Variants in LRRC2 observed in about 807,000 individuals in gnomAD.
LRRC2 encodes leucine-rich repeat-containing protein 2.
A neutral mutation model predicts 40.2 loss-of-function variants in LRRC2; 27 were observed. The ratio of observed to expected loss-of-function variants is 0.67; its 90% confidence interval spans 0.49 to 0.93. The LOEUF (loss-of-function observed/expected upper bound fraction) is 0.93, where lower values mean the gene tolerates loss of function less well. Ranked by LOEUF, LRRC2 falls within the 40% of genes least tolerant of loss-of-function variation. The pLI is 0.00. For missense variants in LRRC2, 402 were observed against 439.6 expected (o/e 0.91, Z 0.76); for synonymous variants, 147 against 158.9 (o/e 0.92, Z 0.56).
chr3:46,538,573 G>A (rs1220576220), intron 4 of LRRC2, among the ~76,000 whole-genome samples: 1 of 152,148 alleles, frequency 6.6e-6, no homozygotes, highest in Non-Finnish European at 1.5e-5. Context: ...GGCAGAGGTT[G>A]CAGTGAGCCG....
chr3:46,552,563 T>G (rs1704684275), intron 1 of LRRC2, among the ~76,000 whole-genome samples: 1 of 152,114 alleles, frequency 6.6e-6, no homozygotes, highest in Middle Eastern at 3.2e-3. Context: ...CCCTCTGGGA[T>G]TGCCTTTTCC....
intron 5 of LRRC2, 40 bp from the exon 6 acceptor site, chr3:46,530,090 G>T: frequency 6.6e-7 from 1 of 1,517,650 alleles, no homozygotes; most frequent in Non-Finnish European, 9.1e-7. Flanking sequence ...ACTTTTATAA[G>T]AGTGGGAATT....
intron 4 of LRRC2, among the ~76,000 whole-genome samples, chr3:46,534,173 G>A (rs760788615): frequency 3.9e-5 from 6 of 151,990 alleles, no homozygotes; most frequent in Non-Finnish European, 5.9e-5. Flanking sequence ...GAGAACATGC[G>A]GTGTTTGGTT....
intron 8 of LRRC2, 47 bp downstream of exon 8, chr3:46,521,475 G>A (rs1288678132): frequency 1.1e-5 from 16 of 1,393,076 alleles, no homozygotes; most frequent in Admixed American, 2.4e-5. Flanking sequence ...TACATAAGTG[G>A]ACGTCTGTAC....
At position 46,545,289 on chromosome 3, in the gene LRRC2, G is replaced by A. The variant is rs370735142; in HGVS notation, c.126-36C>T. ...CAGCAGGGGTCACAGTTACTCTCCT[G>A]GGGACTGGCCATCACCTGCCTAGAG... On this transcript the variant is annotated intron_variant, in intron 2 of 8. Transcript: ENST00000395905. 1,435 of 1,591,924 alleles carry A rather than the reference G, an allele frequency of 9.0e-4. 23 individuals carry two copies. The South Asian group carries it at 0.015, about 17-fold the overall frequency.
intron 3 of LRRC2, among the ~76,000 whole-genome samples, chr3:46,542,320 A>G (rs752441355): frequency 7.4e-6 from 1 of 135,066 alleles, no homozygotes; most frequent in Non-Finnish European, 1.6e-5. Flanking sequence ...CCACAAAGTG[A>G]GACTCCATCT....
At chr3:46,528,791 A>G (rs1239213624) in intron 6 of LRRC2, among the ~76,000 whole-genome samples, 1 of 152,204 alleles carries the variant, frequency 6.6e-6, no homozygotes, top group South Asian at 2.1e-4. Context: ...CCTCTGTGTC[A>G]TCATAGCTTG....
At chr3:46,553,337 T>G (rs1440087617) in intron 1 of LRRC2, among the ~76,000 whole-genome samples, 1 of 152,228 alleles carries the variant, frequency 6.6e-6, no homozygotes, top group Non-Finnish European at 1.5e-5. Flanking sequence ...ATGCCCTGAT[T>G]TGCACAAACA....
chr3:46,517,307 A>G lies in LRRC2; in HGVS notation c.*1707T>C, dbSNP rs1703881932. 1 of 150,116 alleles carries G rather than the reference A, an allele frequency of 6.7e-6. No individual in the cohort carries two copies. Among genetic ancestry groups the G allele is most frequent in the African/African-American group, 2.5e-5 (1 of 40,664 alleles). 9.3% of individuals were successfully genotyped at this position (150,116 alleles called of 1,614,324 possible). On this transcript the variant is annotated 3_prime_UTR_variant, in exon 9 of 9. Coordinates refer to ENST00000395905, the MANE Select transcript of LRRC2 (RefSeq NM_024512.5). ...TTGTTTTTTTTTTTTTAGTTATAACAATAATAATATTGTTATTGCTGTTTG... is the reference window on the plus strand; with the variant it reads ...TTGTTTTTTTTTTTTTAGTTATAACGATAATAATATTGTTATTGCTGTTTG...
chr3:46,532,329 G>A (rs1331061944), intron 5 of LRRC2, among the ~76,000 whole-genome samples: 1 of 152,190 alleles, frequency 6.6e-6, no homozygotes, highest in Admixed American at 6.5e-5. Flanking sequence ...AGAAGGGCAG[G>A]TGCGGTGGCT....
intron 1 of LRRC2, among the ~76,000 whole-genome samples, chr3:46,555,931 T>A (rs933420703): frequency 1.3e-5 from 2 of 152,234 alleles, no homozygotes; most frequent in African/African-American, 2.4e-5. Flanking sequence ...CTTACCTCCA[T>A]TCATAAATAC....
At chr3:46,525,451 A>G (rs1485916210) in intron 7 of LRRC2, among the ~76,000 whole-genome samples, 1 of 151,766 alleles carries the variant, frequency 6.6e-6, no homozygotes, top group Admixed American at 6.6e-5. Flanking sequence ...GTATCTCGCT[A>G]TGTTACCCAC....
At chr3:46,557,456 A>G (rs112456625) in intron 1 of LRRC2, 7,412 of 152,360 alleles carry the variant, frequency 0.049, 276 homozygotes, top group South Asian at 0.15. Flanking sequence ...TATTGCTCAC[A>G]CAAAGCCTGT....
Position 46,548,820 on chromosome 3 carries a change from C to T in LRRC2, c.125+2647G>A, listed in dbSNP as rs149446528. Among the ~76,000 whole-genome samples, 553 of 152,258 alleles carry T rather than the reference C, an allele frequency of 3.6e-3. 4 individuals carry two copies. Among genetic ancestry groups the T allele is most frequent in the African/African-American group, 0.012 (512 of 41,532 alleles). ...GGATGGTTTCGGGATAAAACTGTTC[C>T]ACCTCAGATCATCAGGCATTAGATT... On this transcript the variant is annotated intron_variant, in intron 2 of 8. Coordinates refer to ENST00000395905, the MANE Select transcript of LRRC2 (RefSeq NM_024512.5).
rs1323251517 is a variant in LRRC2 at position 46,516,229 on chromosome 3, T to C, written c.*2785A>G. 1 of 152,120 alleles carries C rather than the reference T, an allele frequency of 6.6e-6. No individual in the cohort carries two copies. Among genetic ancestry groups the C allele is most frequent in the East Asian group, 1.9e-4 (1 of 5,190 alleles). The allele number at this position is 152,120 out of a possible 1,614,324, so 9.4% of individuals were successfully genotyped here. A position where few individuals can be genotyped will look rare whatever the true frequency, so the allele number is the denominator to read the frequency against. ...TCTCGGCCTCCCAAAGTGCTGGGAT[T>C]ATAGGCGTGAGTCACCGCGCCCGGC... On this transcript the variant is annotated 3_prime_UTR_variant, in exon 9 of 9. Transcript: ENST00000395905.
intron 3 of LRRC2, among the ~76,000 whole-genome samples, chr3:46,541,116 G>A (rs1045982293): frequency 9.9e-5 from 15 of 152,120 alleles, no homozygotes; most frequent in African/African-American, 4.8e-5. Flanking sequence ...GGCAGATCAC[G>A]AGGTCAGGAG....
intron 7 of LRRC2, among the ~76,000 whole-genome samples, chr3:46,527,178 G>A (rs913636919): frequency 6.6e-6 from 1 of 152,194 alleles, no homozygotes; most frequent in Non-Finnish European, 1.5e-5. Context: ...CTGGACATAT[G>A]TCCCGCAACA....
chr3:46,553,145 C>T (rs2107042731), intron 1 of LRRC2, among the ~76,000 whole-genome samples: 1 of 148,756 alleles, frequency 6.7e-6, no homozygotes, highest in South Asian at 2.1e-4. Flanking sequence ...TTCTACTTTA[C>T]ATTTACTTTT....
chr3:46,527,573 T>C lies in LRRC2; in HGVS notation c.782A>G (p.Glu261Gly), dbSNP rs566044479. Residue 261 changes from glutamate to glycine, a missense_variant, in exon 7 of 9, where the codon GAG (glutamate) becomes GGG (glycine). Glu to Gly is a moderately conservative substitution (Grantham distance 98). Transcript: ENST00000395905. ...DLPQDIDRLE[E>G]LQSFLLYKNK... is the part of the protein sequence containing the mutation. ...TTTATACAAGAGAAAGCTCTGCAGC[T>C]CCTCTAGCCTAAGAAGAGGTAAAAA... 29 of 1,613,758 alleles carry C rather than the reference T, an allele frequency of 1.8e-5. No homozygotes were observed. The South Asian group carries it at 2.6e-4, about 15-fold the overall frequency.
Sources: gnomAD v4.1 joint callset for allele counts (sites outside exome capture counted in the v4.1 genomes callset) on GRCh38, gnomAD v4.1.1 for gene constraint, MANE v1.5 for transcripts, NCBI Gene and HGNC (gene_info 2026-07-23, HGNC 2026-07-21) for gene names.